RERE: variants seen among roughly 807,000 people sequenced by gnomAD.
RERE encodes the protein arginine-glutamic acid dipeptide repeats.
RERE carries 40 observed loss-of-function variants against 146.1 expected under a neutral mutation model. That is an observed-to-expected ratio of 0.27 (90% CI 0.21 to 0.36). RERE has a LOEUF of 0.36. RERE is among the 10% of genes least tolerant of loss of function. The probability of loss-of-function intolerance (pLI) is 1.00; values close to 1 mark genes in which losing one functional copy is unlikely to be tolerated. For missense variants in RERE, 1,933 were observed against 2,138.7 expected (o/e 0.90, Z 1.90); for synonymous variants, 1,003 against 866.0 (o/e 1.16, Z -2.78).
chr1:8,682,664 C>T (rs1051859467), intron 1 of RERE, among the ~76,000 whole-genome samples: 30 of 152,104 alleles, frequency 2.0e-4, no homozygotes, highest in African/African-American at 7.0e-4. Context: ...AATAACTATA[C>T]TAATTCACGA....
chr1:8,772,411 T>C (rs1291480259), intron 1 of RERE, among the ~76,000 whole-genome samples: 5 of 152,260 alleles, frequency 3.3e-5, no homozygotes, highest in African/African-American at 1.2e-4. Context: ...GATTACATAC[T>C]GTACCTTGCT....
At chr1:8,811,364 T>C (rs1210849672) in intron 1 of RERE, among the ~76,000 whole-genome samples, 1 of 152,162 alleles carries the variant, frequency 6.6e-6, no homozygotes, top group African/African-American at 2.4e-5. Flanking sequence ...CCTAGGACTT[T>C]GGGTGGCCAA....
At chr1:8,382,749 T>G (rs1338632672) in intron 12 of RERE, among the ~76,000 whole-genome samples, 2 of 152,150 alleles carry the variant, frequency 1.3e-5, no homozygotes, top group Middle Eastern at 3.2e-3. Flanking sequence ...TGGCCTCTGT[T>G]TCTTCATTTT....
chr1:8,792,352 T>A (rs1641378667), intron 1 of RERE: 2 of 152,228 alleles, frequency 1.3e-5, no homozygotes, highest in Non-Finnish European at 2.9e-5. Context: ...TAATCAATTC[T>A]TACGGGATCC....
chr1:8,487,440 A>G (rs1429574158), intron 10 of RERE, among the ~76,000 whole-genome samples: 1 of 152,100 alleles, frequency 6.6e-6, no homozygotes, highest in Non-Finnish European at 1.5e-5. Context: ...TTAGCTGGGC[A>G]TGATGGTGTA....
chr1:8,692,535 G>C (rs1224033532), intron 1 of RERE, among the ~76,000 whole-genome samples: 1 of 151,878 alleles, frequency 6.6e-6, no homozygotes, highest in Admixed American at 6.6e-5. Flanking sequence ...TTTTAGTAGA[G>C]ACAGGGTTTC....
At chr1:8,355,301 C>A in intron 22 of RERE, 118 bp downstream of exon 22, 1 of 1,238,592 alleles carries the variant, frequency 8.1e-7, no homozygotes, top group Non-Finnish European at 1.1e-6. Context: ...CATGGTTCCA[C>A]AATGTCCCCT....
At chr1:8,500,545 G>C (rs1203609169) in intron 8 of RERE, among the ~76,000 whole-genome samples, 1 of 152,040 alleles carries the variant, frequency 6.6e-6, no homozygotes, top group African/African-American at 2.4e-5. Context: ...GCAGTGGTGT[G>C]ATCTCGGCTC....
intron 12 of RERE, among the ~76,000 whole-genome samples, chr1:8,367,389 G>T (rs549276905): frequency 6.6e-6 from 1 of 152,294 alleles, no homozygotes; most frequent in Admixed American, 6.5e-5. Context: ...GGGCATTTTT[G>T]TAAGAAGTGG....
chr1:8,574,368 G>A (rs112613745), intron 4 of RERE, among the ~76,000 whole-genome samples: 21,376 of 112,292 alleles, frequency 0.19, 2,077 homozygotes, highest in Middle Eastern at 0.39. Context: ...TTTTTGAGAC[G>A]CAGTCTCGCT....
At position 8,669,557 on chromosome 1, in the gene RERE, G is replaced by A. The variant is rs114160762; in HGVS notation, c.-144-13116C>T. Among the ~76,000 whole-genome samples the A allele has an allele frequency of 2.2e-3, 330 of 152,292 alleles. 2 individuals are homozygous for A. Among genetic ancestry groups the A allele is most frequent in the African/African-American group, 7.7e-3 (321 of 41,548 alleles). Reference sequence around the variant, plus strand: ...GCCAAACAAAGGTGCATCTGGCTACGAAATTCACAAGGATGAGCTTTACCT... The same window carrying A: ...GCCAAACAAAGGTGCATCTGGCTACAAAATTCACAAGGATGAGCTTTACCT... On this transcript the variant is annotated intron_variant, in intron 1 of 22. Coordinates refer to ENST00000400908, the MANE Select transcript of RERE (RefSeq NM_001042681.2).
chr1:8,545,783 A>G (rs1421974800), intron 6 of RERE, among the ~76,000 whole-genome samples: 1 of 149,614 alleles, frequency 6.7e-6, no homozygotes, highest in East Asian at 1.9e-4. Context: ...TCCCGGGTTC[A>G]AGCAATTCTC....
At chr1:8,783,026 C>A (rs1641193397) in intron 1 of RERE, among the ~76,000 whole-genome samples, 1 of 152,128 alleles carries the variant, frequency 6.6e-6, no homozygotes, top group Admixed American at 6.5e-5. Context: ...TCTTTCAACC[C>A]CTACCCTACA....
At chr1:8,443,116 G>A (rs1042981504) in intron 11 of RERE, among the ~76,000 whole-genome samples, 4 of 152,206 alleles carry the variant, frequency 2.6e-5, no homozygotes, top group Non-Finnish European at 2.9e-5. Flanking sequence ...ACTTAAAAGG[G>A]AAGCAGAGCA....
intron 4 of RERE, among the ~76,000 whole-genome samples, chr1:8,580,048 C>T (rs947396684): frequency 2.0e-5 from 3 of 152,056 alleles, no homozygotes; most frequent in Non-Finnish European, 2.9e-5. Context: ...ATGCTTAAAA[C>T]CTAACCAAGT....
At chr1:8,694,875 T>TA (rs1380076437) in intron 1 of RERE, among the ~76,000 whole-genome samples, 3 of 147,774 alleles carry the variant, frequency 2.0e-5, no homozygotes, top group African/African-American at 7.4e-5. Flanking sequence ...ATGCTATTCC[T>TA]ATCAAACTAC....
At chr1:8,522,767 G>A (rs962464028) in intron 7 of RERE, among the ~76,000 whole-genome samples, 1 of 152,148 alleles carries the variant, frequency 6.6e-6, no homozygotes, top group Non-Finnish European at 1.5e-5. Flanking sequence ...TAGCTACTCA[G>A]GAGGCTGAGG....
intron 12 of RERE, among the ~76,000 whole-genome samples, chr1:8,378,889 A>T (rs1432233080): frequency 6.6e-6 from 1 of 152,216 alleles, no homozygotes; most frequent in African/African-American, 2.4e-5. Flanking sequence ...CATGGAGCTG[A>T]CTGTCAGCAG....
intron 2 of RERE, among the ~76,000 whole-genome samples, chr1:8,625,353 AC>A (rs1646962112): frequency 6.6e-6 from 1 of 152,166 alleles, no homozygotes; most frequent in African/African-American, 2.4e-5. Flanking sequence ...ACCTCCTCCT[AC>A]CCCCATATCA....
Sources: gnomAD v4.1 joint callset for allele counts (sites outside exome capture counted in the v4.1 genomes callset) on GRCh38, gnomAD v4.1.1 for gene constraint, MANE v1.5 for transcripts, NCBI Gene and HGNC (gene_info 2026-07-23, HGNC 2026-07-21) for gene names.